The following SLFN12L variants were observed in gnomAD, a reference collection of about 807,000 sequenced individuals.
SLFN12L encodes the protein schlafen family member 12 like, also known as schlafen family member 12-like.
SLFN12L carries 34 observed loss-of-function variants against 34.8 expected under a neutral mutation model. That is an observed-to-expected ratio of 0.98 (90% confidence interval 0.74 to 1.30). SLFN12L has a LOEUF of 1.30. Ranked by LOEUF, SLFN12L falls within the 50% of genes most tolerant of loss-of-function variation. The probability of loss-of-function intolerance (pLI) is 0.00; values close to 1 mark genes in which losing one functional copy is unlikely to be tolerated. For missense variants in SLFN12L, 703 were observed against 696.2 expected (o/e 1.01, Z -0.11); for synonymous variants, 259 against 247.5 (o/e 1.05, Z -0.44).
At chr17:35,536,978 C>T (rs2072468363) in intron 1 of SLFN12L, among the ~76,000 whole-genome samples, 2 of 151,870 alleles carry the variant, frequency 1.3e-5, no homozygotes, top group Non-Finnish European at 2.9e-5. Context: ...GAGTTTGAAA[C>T]CAGCCTGGTC....
chr17:35,536,952 G>A (rs909447287), intron 1 of SLFN12L, among the ~76,000 whole-genome samples: 2 of 152,174 alleles, frequency 1.3e-5, no homozygotes, highest in South Asian at 2.1e-4. Context: ...AAGGTGGGAC[G>A]ATTACTTGAG....
At position 35,472,868 on chromosome 17, in the gene SLFN12L, T is replaced by C. The variant is rs1913829294; in HGVS notation, c.*2055A>G. ...GTTCTCCTTGAAGAGGTCCTTCACA[T>C]CCCTTGTTAGCTGTATTTCTAGGTA... is the stretch of plus-strand genomic sequence containing the variant. On this transcript the variant is annotated 3_prime_UTR_variant, in exon 5 of 5. Coordinates refer to ENST00000628453, the MANE Select transcript of SLFN12L (RefSeq NM_001363830.2). 6.6e-6 allele frequency among the ~76,000 whole-genome samples: 1 copy of C among 152,218 alleles called. No homozygotes were observed. The highest frequency in any genetic ancestry group is 1.5e-5 in the Non-Finnish European group (1 of 68,030).
At chr17:35,498,485 C>T (rs1175204366) in intron 2 of SLFN12L, 1 of 1,200,620 alleles carries the variant, frequency 8.3e-7, no homozygotes, top group Non-Finnish European at 1.2e-6. Flanking sequence ...CGCATAGCCA[C>T]GAAGTGATGC....
chr17:35,491,462 C>T (rs1284371773), intron 2 of SLFN12L, among the ~76,000 whole-genome samples: 2 of 152,226 alleles, frequency 1.3e-5, no homozygotes, highest in East Asian at 1.9e-4. Context: ...GAAAGCCCTG[C>T]TTTGCTACAG....
intron 2 of SLFN12L, among the ~76,000 whole-genome samples, chr17:35,505,382 C>T (rs1428618972): frequency 1.3e-5 from 2 of 152,200 alleles, no homozygotes; most frequent in Non-Finnish European, 2.9e-5. Flanking sequence ...GAGTTGGCCC[C>T]TGTGCTTAAG....
intron 2 of SLFN12L, among the ~76,000 whole-genome samples, chr17:35,504,353 AC>A (rs1205112624): frequency 1.3e-5 from 2 of 152,178 alleles, no homozygotes; most frequent in African/African-American, 4.8e-5. Context: ...GACTGCCCCA[AC>A]CGGTTTTTGT....
At chr17:35,498,550 C>A in intron 2 of SLFN12L, 1 of 1,418,790 alleles carries the variant, frequency 7.0e-7, no homozygotes, top group Non-Finnish European at 1.0e-6. Context: ...CAGAACAGTC[C>A]AAAAAGTACA....
At position 35,472,004 on chromosome 17, in the gene SLFN12L, G is replaced by T. The variant is rs1405150987; in HGVS notation, c.*2919C>A. 6.6e-6 allele frequency among the ~76,000 whole-genome samples: 1 copy of T among 152,164 alleles called. No individual in the cohort carries two copies. The highest frequency in any genetic ancestry group is 1.5e-5 in the Non-Finnish European group (1 of 68,038). On this transcript the variant is annotated 3_prime_UTR_variant, in exon 5 of 5. Coordinates refer to ENST00000628453, the MANE Select transcript of SLFN12L (RefSeq NM_001363830.2). ...GATTGCAAAAATTTTCTCCCATTCT[G>T]TAGGTTGTCCGTTCACTCTGATGGT...
chr17:35,480,180 A>C lies in SLFN12L; in HGVS notation c.102T>G (p.Arg34=). The part of the protein sequence containing the change: ...LRNFIRKEFL[R]GNGLAAGKMN... The stretch of plus-strand genomic sequence containing the variant: ...TTTTCCCAGCAGCTAAGCCATTTCC[A>C]CGCAGAAATTCTTTTCTGTAAAATA... Residue 34 remains arginine, a synonymous_variant, in exon 3 of 5, where the codon CGT becomes CGG. Coordinates refer to ENST00000628453, the MANE Select transcript of SLFN12L (RefSeq NM_001363830.2). The C allele has an allele frequency of 6.3e-7, 1 of 1,586,224 alleles. No homozygotes were observed. Among genetic ancestry groups the C allele is most frequent in the Non-Finnish European group, 8.6e-7 (1 of 1,166,876 alleles).
Position 35,468,049 on chromosome 17 carries a change from A to G in SLFN12L, c.*6874T>C, listed in dbSNP as rs1166396389. 6.6e-6 allele frequency among the ~76,000 whole-genome samples: 1 copy of G among 152,116 alleles called. No individual in the cohort carries two copies. The highest frequency in any genetic ancestry group is 1.5e-5 in the Non-Finnish European group (1 of 68,026). ...CTCAGCCTCCTGAGAAGCTGCGACC[A>G]CAGGCACACACTACCACGCCCAGCT... On this transcript the variant is annotated 3_prime_UTR_variant, in exon 5 of 5. Coordinates refer to ENST00000628453, the MANE Select transcript of SLFN12L (RefSeq NM_001363830.2).
rs1458584549 is a variant in SLFN12L at position 35,530,451 on chromosome 17, A to G, written c.-606+7122T>C. Reference sequence around the variant, plus strand: ...GAAGGGAAGGGAAGGGAAGAAAGAAAGAAAGAAAGAAAGAAAGAAAGAAAG... The same window carrying G: ...GAAGGGAAGGGAAGGGAAGAAAGAAGGAAAGAAAGAAAGAAAGAAAGAAAG... On this transcript the variant is annotated intron_variant, in intron 1 of 4. Coordinates refer to ENST00000628453, the MANE Select transcript of SLFN12L (RefSeq NM_001363830.2). 3.1e-3 allele frequency among the ~76,000 whole-genome samples: 147 copies of G among 47,260 alleles called. 13 individuals carry two copies. The highest frequency in any genetic ancestry group is 6.9e-3 in the Middle Eastern group (1 of 144). 31.0% of individuals were successfully genotyped at this position (47,260 alleles called of 152,430 possible).
In SLFN12L at chr17:35,478,198, G is replaced by T; in HGVS notation, c.1166-13C>A. The T allele has an allele frequency of 6.7e-7, 1 of 1,496,458 alleles. No individual in the cohort carries two copies. The highest frequency in any genetic ancestry group is 9.1e-7 in the Non-Finnish European group (1 of 1,100,406). The allele number at this position is 1,496,458 out of a possible 1,614,324, so 92.7% of individuals were successfully genotyped here. Reference sequence around the variant, plus strand: ...AGTTCCTCACATACTATGGAATAATGTTAGAAAACAAAAATCACGCTCTTA... The same window carrying T: ...AGTTCCTCACATACTATGGAATAATTTTAGAAAACAAAAATCACGCTCTTA... On this transcript the variant is annotated splice_polypyrimidine_tract_variant and intron_variant, in intron 3 of 4. Transcript: ENST00000628453.
At chr17:35,505,604 C>T (rs1387540502) in intron 2 of SLFN12L, among the ~76,000 whole-genome samples, 1 of 152,218 alleles carries the variant, frequency 6.6e-6, no homozygotes, top group Non-Finnish European at 1.5e-5. Context: ...CCACCTTGCT[C>T]CCAGTATCAG....
In SLFN12L at chr17:35,465,086, G is replaced by T. The variant is rs4795076; in HGVS notation, c.*9837C>A. On this transcript the variant is annotated 3_prime_UTR_variant, in exon 5 of 5. Transcript: ENST00000628453. ...AGAGATGAGGTTTCACTATATGTTC[G>T]CCAGGCTGGTCTCGAACTCCTGGCC... Among the ~76,000 whole-genome samples, 972 of 152,116 alleles carry T rather than the reference G, an allele frequency of 6.4e-3. 19 individuals are homozygous for T. The highest frequency in any genetic ancestry group is 0.051 in the East Asian group (264 of 5,172).
chr17:35,507,278 T>C (rs1240307200), intron 2 of SLFN12L, among the ~76,000 whole-genome samples: 1 of 152,156 alleles, frequency 6.6e-6, no homozygotes, highest in Non-Finnish European at 1.5e-5. Flanking sequence ...GAAAGAATAA[T>C]ATAATATTAT....
chr17:35,501,188 C>A (rs1915284008), intron 2 of SLFN12L, among the ~76,000 whole-genome samples: 1 of 152,214 alleles, frequency 6.6e-6, no homozygotes, highest in Non-Finnish European at 1.5e-5. Flanking sequence ...CCAGCTTGAG[C>A]AACATGGATC....
chr17:35,518,444 G>C (rs544292492), intron 2 of SLFN12L, among the ~76,000 whole-genome samples: 1 of 151,926 alleles, frequency 6.6e-6, no homozygotes, highest in Admixed American at 6.6e-5. Flanking sequence ...CCAGCTACTC[G>C]GGAAGCTGAG....
intron 2 of SLFN12L, among the ~76,000 whole-genome samples, chr17:35,516,136 T>C (rs1026816177): frequency 1.3e-5 from 2 of 152,200 alleles, no homozygotes; most frequent in African/African-American, 4.8e-5. Context: ...CCACTGAAGA[T>C]AGTTTATCTT....
chr17:35,510,023 G>C (rs1273282154), intron 2 of SLFN12L: 3 of 152,204 alleles, frequency 2.0e-5, no homozygotes, highest in African/African-American at 7.2e-5. Context: ...TAATGGAGGA[G>C]CCATAAACTC....
Sources: allele counts gnomAD v4.1 joint callset (sites outside exome capture counted in the v4.1 genomes callset), GRCh38; gene constraint gnomAD v4.1.1; transcripts MANE v1.5; gene names NCBI Gene and HGNC (gene_info 2026-07-23, HGNC 2026-07-21).